Variants in CRYBG1 observed in about 807,000 individuals in gnomAD.
The protein encoded by CRYBG1 is beta/gamma crystallin domain-containing protein 1.
In CRYBG1, 139 loss-of-function variants were observed where a neutral mutation model predicts 189.2. The ratio of observed to expected loss-of-function variants is 0.73; its 90% confidence interval spans 0.64 to 0.85. CRYBG1 has a LOEUF of 0.85. Among genes scored for constraint, CRYBG1 ranks in the 40% least tolerant of loss-of-function variants. The pLI is 0.00. For synonymous variants in CRYBG1, 1,023 were observed against 1,017.1 expected (o/e 1.01, Z -0.11); for missense variants, 2,611 against 2,675.8 (o/e 0.98, Z 0.53).
At chr6:106,456,143 T>C (rs1771883750) in intron 2 of CRYBG1, among the ~76,000 whole-genome samples, 2 of 152,244 alleles carry the variant, frequency 1.3e-5, no homozygotes, top group Admixed American at 6.5e-5. Flanking sequence ...ACTATTGTTT[T>C]TGACAGCTTG....
intron 1 of CRYBG1, among the ~76,000 whole-genome samples, chr6:106,424,183 C>T (rs1419734754): frequency 6.6e-6 from 1 of 152,172 alleles, no homozygotes; most frequent in African/African-American, 2.4e-5. Flanking sequence ...AATTTCATAT[C>T]CAAACTACGT....
intron 1 of CRYBG1, among the ~76,000 whole-genome samples, chr6:106,405,102 C>A (rs1443159162): frequency 1.3e-5 from 2 of 152,156 alleles, no homozygotes; most frequent in African/African-American, 4.8e-5. Flanking sequence ...AGATTCCACC[C>A]CCATGGAGCC....
At chr6:106,379,703 T>A (rs1158712281) in intron 1 of CRYBG1, among the ~76,000 whole-genome samples, 4 of 151,386 alleles carry the variant, frequency 2.6e-5, no homozygotes, top group African/African-American at 9.7e-5. Context: ...GGACTACAGG[T>A]GTGCACCACC....
At chr6:106,367,373 G>A (rs558305008) in intron 1 of CRYBG1, among the ~76,000 whole-genome samples, 15 of 152,032 alleles carry the variant, frequency 9.9e-5, no homozygotes, top group East Asian at 7.8e-4. Context: ...CGGATCACAA[G>A]GTCAGGAGAT....
intron 1 of CRYBG1, among the ~76,000 whole-genome samples, chr6:106,429,731 TCA>T (rs1771291266): frequency 6.6e-6 from 1 of 152,228 alleles, no homozygotes; most frequent in Non-Finnish European, 1.5e-5. Context: ...TCTTTTAGTC[TCA>T]GTTTCCTCCT....
At chr6:106,412,346 T>G (rs1770939840) in intron 1 of CRYBG1, among the ~76,000 whole-genome samples, 1 of 152,242 alleles carries the variant, frequency 6.6e-6, no homozygotes, top group African/African-American at 2.4e-5. Flanking sequence ...AAAATTCTCT[T>G]TCTTGCTTTT....
intron 16 of CRYBG1, among the ~76,000 whole-genome samples, chr6:106,554,994 G>A (rs556569742): frequency 2.0e-5 from 3 of 152,040 alleles, no homozygotes; most frequent in South Asian, 2.1e-4. Context: ...GTGAAACCCC[G>A]TCTCTACTAA....
chr6:106,541,285 T>C, intron 9 of CRYBG1: 1 of 539,894 alleles, frequency 1.9e-6, no homozygotes, highest in South Asian at 1.5e-5. Flanking sequence ...GGAACTGCTT[T>C]TTCAAGAGAA....
chr6:106,504,323 C>T (rs1773080936), intron 2 of CRYBG1, among the ~76,000 whole-genome samples: 1 of 152,118 alleles, frequency 6.6e-6, no homozygotes, highest in African/African-American at 2.4e-5. Context: ...CCAAATGTCA[C>T]AGTTTCATAT....
At chr6:106,499,334 T>C (rs977447819) in intron 2 of CRYBG1, among the ~76,000 whole-genome samples, 3 of 148,888 alleles carry the variant, frequency 2.0e-5, no homozygotes, top group African/African-American at 7.4e-5. Context: ...TTTTTTTTTT[T>C]TTTTTAGTAG....
intron 1 of CRYBG1, among the ~76,000 whole-genome samples, chr6:106,447,855 G>A (rs1771696889): frequency 6.6e-6 from 1 of 152,120 alleles, no homozygotes; most frequent in Non-Finnish European, 1.5e-5. Context: ...TATATGACAT[G>A]TCATGGAAGA....
chr6:106,550,949 A>C (rs749554527), intron 13 of CRYBG1, among the ~76,000 whole-genome samples: 5 of 152,152 alleles, frequency 3.3e-5, no homozygotes, highest in Non-Finnish European at 7.4e-5. Context: ...GTTCATGTCA[A>C]GATACCCTTA....
intron 4 of CRYBG1, among the ~76,000 whole-genome samples, chr6:106,522,002 C>T (rs781001235): frequency 3.3e-5 from 5 of 151,986 alleles, no homozygotes; most frequent in Non-Finnish European, 7.4e-5. Context: ...CAGAGTGTTG[C>T]GATTACAGGT....
intron 8 of CRYBG1, among the ~76,000 whole-genome samples, chr6:106,533,325 G>A (rs188246027): frequency 6.6e-6 from 1 of 152,370 alleles, no homozygotes; most frequent in Admixed American, 6.5e-5. Flanking sequence ...CTGAAGCTGA[G>A]TGAAGTAGGA....
rs769770576 is a variant in CRYBG1 at position 106,520,737 on chromosome 6, T to G, written c.3529T>G (p.Leu1177Val). 1.2e-6 allele frequency: 2 copies of G among 1,614,104 alleles called. No homozygotes were observed. The highest frequency in any genetic ancestry group is 1.3e-5 in the African/African-American group (1 of 75,004). The change falls in exon 4 of 22, where the codon TTG becomes GTG. Residue 1177 changes from leucine (L) to valine (V), a missense_variant. Transcript: ENST00000633556. ...SQPEMSPALH[L>V]MQNLDTKSKL... ...GCCAGAAATGTCACCGGCTTTACAT[T>G]TGATGCAGAACCTTGACACAAAATC...
At chr6:106,402,858 G>T (rs994417076) in intron 1 of CRYBG1, among the ~76,000 whole-genome samples, 1 of 152,070 alleles carries the variant, frequency 6.6e-6, no homozygotes, top group Non-Finnish European at 1.5e-5. Flanking sequence ...GGAGGGTGGG[G>T]GAAGAATGCA....
At chr6:106,373,893 A>G (rs1770094609) in intron 1 of CRYBG1, among the ~76,000 whole-genome samples, 1 of 152,188 alleles carries the variant, frequency 6.6e-6, no homozygotes, top group Non-Finnish European at 1.5e-5. Flanking sequence ...ACAATTACCC[A>G]GTGATAATGG....
chr6:106,542,099 C>T (rs1315613288), intron 10 of CRYBG1, among the ~76,000 whole-genome samples: 1 of 150,552 alleles, frequency 6.6e-6, no homozygotes, highest in Non-Finnish European at 1.5e-5. Context: ...CTATGTGGTT[C>T]TAAATATCAG....
In CRYBG1 at chr6:106,571,821, C is replaced by A; in HGVS notation, c.*3255C>A. Reference sequence around the variant, plus strand: ...TACTGACTACAGACAAATCCAAGTGCTGATATTTTTATATCAATTACTGGC... The same window carrying A: ...TACTGACTACAGACAAATCCAAGTGATGATATTTTTATATCAATTACTGGC... On this transcript the variant is annotated 3_prime_UTR_variant, in exon 22 of 22. Coordinates refer to ENST00000633556, the MANE Select transcript of CRYBG1 (RefSeq NM_001371242.2). The A allele has an allele frequency of 5.7e-6, 3 of 527,970 alleles. No homozygotes were observed. The highest frequency in any genetic ancestry group is 3.4e-6 in the Non-Finnish European group (1 of 294,844). The allele number at this position is 527,970 out of a possible 1,614,324, so 32.7% of individuals were successfully genotyped here.
Sources: allele counts gnomAD v4.1 joint callset (sites outside exome capture counted in the v4.1 genomes callset), GRCh38; gene constraint gnomAD v4.1.1; transcripts MANE v1.5; gene names NCBI Gene and HGNC (gene_info 2026-07-23, HGNC 2026-07-21).